AFF2: variants seen among roughly 807,000 people sequenced by gnomAD.
AFF2 encodes the protein AF4/FMR2 family member 2.
A neutral mutation model predicts 76.9 loss-of-function variants in AFF2; 14 were observed. The observed-to-expected ratio is 0.18, with a 90% CI of 0.12 to 0.28. AFF2 has a LOEUF of 0.28. Among genes scored for constraint, AFF2 ranks in the 10% least tolerant of loss-of-function variants. The pLI is 1.00. For missense variants in AFF2, 868 were observed against 1,001.1 expected (o/e 0.87, Z 1.79); for synonymous variants, 398 against 366.7 (o/e 1.09, Z -0.98).
intron 3 of AFF2, among the ~76,000 whole-genome samples, chrX:148,688,662 G>A (rs184684957): frequency 8.1e-5 from 9 of 111,252 alleles, no homozygotes; most frequent in Non-Finnish European, 1.5e-4. Flanking sequence ...ACAGGGATGC[G>A]TTCTGAGAAG....
At chrX:148,716,073 A>C (rs1306111931) in intron 3 of AFF2, among the ~76,000 whole-genome samples, 2 of 111,850 alleles carry the variant, frequency 1.8e-5, no homozygotes, top group Non-Finnish European at 3.8e-5. Context: ...TGCATTTTAC[A>C]TAAATGGTTA....
chrX:148,556,112 T>C (rs1557239654), intron 1 of AFF2, among the ~76,000 whole-genome samples: 1 of 111,965 alleles, frequency 8.9e-6, no homozygotes, highest in East Asian at 2.8e-4. Context: ...AGATTTTAGC[T>C]CAGTTTCACA....
Position 148,999,006 on chromosome X carries a change from T to G in AFF2, c.*7674T>G, listed in dbSNP as rs1200442152. 9.0e-6 allele frequency: 1 copy of G among 111,523 alleles called. No individual in the cohort carries two copies. The highest frequency in any genetic ancestry group is 1.9e-5 in the Non-Finnish European group (1 of 53,098). The allele number at this position is 111,523 out of a possible 1,213,427, so 9.2% of individuals were successfully genotyped here. On this transcript the variant is annotated 3_prime_UTR_variant, in exon 21 of 21. Transcript: ENST00000370460. ...AATCTGGGCAAATATCGATGGGTTT[T>G]CAAAGAATGCTCCATGTTCATTGGG...
At chrX:148,970,726 A>G (rs1326549276) in intron 15 of AFF2, among the ~76,000 whole-genome samples, 1 of 111,856 alleles carries the variant, frequency 8.9e-6, no homozygotes, top group Non-Finnish European at 1.9e-5. Context: ...TCAAACTATC[A>G]TTTATAATGA....
At chrX:148,501,536 C>T (rs2052351306) in intron 1 of AFF2, among the ~76,000 whole-genome samples, 1 of 113,363 alleles carries the variant, frequency 8.8e-6, no homozygotes, top group Non-Finnish European at 1.9e-5. Flanking sequence ...TTCCAGGTGC[C>T]CAACGCCCGC....
intron 9 of AFF2, among the ~76,000 whole-genome samples, chrX:148,922,848 A>G (rs1557283357): frequency 9.0e-6 from 1 of 111,722 alleles, no homozygotes; most frequent in Admixed American, 9.5e-5. Context: ...GAAGTCAATC[A>G]CCTATGAAGA....
At chrX:148,736,218 G>A (rs1557265073) in intron 3 of AFF2, among the ~76,000 whole-genome samples, 1 of 111,960 alleles carries the variant, frequency 8.9e-6, no homozygotes, top group East Asian at 2.8e-4. Context: ...GGCTGTACTA[G>A]TTTATATTCC....
rs189763946 is a variant in AFF2 at position 148,581,819 on chromosome X, A to T, written c.48-70180A>T. Among the ~76,000 whole-genome samples the T allele has an allele frequency of 3.8e-3, 424 of 112,227 alleles. 3 individuals carry two copies. Among genetic ancestry groups the T allele is most frequent in the African/African-American group, 0.013 (408 of 31,012 alleles). The stretch of plus-strand genomic sequence containing the variant: ...TACATAAGCACAGCATATTGATCAA[A>T]ATCAGGAAGCTAACATTGGTACTAA... On this transcript the variant is annotated intron_variant, in intron 1 of 20. Coordinates refer to ENST00000370460, the MANE Select transcript of AFF2 (RefSeq NM_002025.4).
chrX:148,888,340 T>C (rs2124156111), intron 8 of AFF2, among the ~76,000 whole-genome samples: 1 of 112,478 alleles, frequency 8.9e-6, no homozygotes, highest in South Asian at 3.7e-4. Flanking sequence ...ATGTCATGTA[T>C]CAGTACTTCA....
intron 9 of AFF2, among the ~76,000 whole-genome samples, chrX:148,923,840 C>G (rs781984784): frequency 8.9e-6 from 1 of 111,781 alleles, no homozygotes; most frequent in Admixed American, 9.5e-5. Flanking sequence ...CCAAAAGCTT[C>G]TCTGATTGCA....
chrX:148,839,884 G>A (rs1308819266), intron 5 of AFF2, among the ~76,000 whole-genome samples: 1 of 97,511 alleles, frequency 1.0e-5, no homozygotes, highest in Non-Finnish European at 2.0e-5. Context: ...CCCCATCTGT[G>A]TTGGGGCATG....
intron 8 of AFF2, among the ~76,000 whole-genome samples, chrX:148,893,265 T>C (rs782127465): frequency 8.9e-6 from 1 of 112,112 alleles, no homozygotes; most frequent in Non-Finnish European, 1.9e-5. Context: ...TTGGCTATAT[T>C]AGCACAGAGA....
At chrX:148,903,247 G>A (rs2071373206) in intron 8 of AFF2, among the ~76,000 whole-genome samples, 1 of 111,213 alleles carries the variant, frequency 9.0e-6, no homozygotes, top group Non-Finnish European at 1.9e-5. Flanking sequence ...TACAAGTTTG[G>A]TTCTGATTAC....
At chrX:148,858,822 G>C (rs7062711) in intron 7 of AFF2, among the ~76,000 whole-genome samples, 1,809 of 109,790 alleles carry the variant, frequency 0.016, 34 homozygotes, top group African/African-American at 0.058. Flanking sequence ...AAGTGTTATA[G>C]TGTTATTTCT....
chrX:148,917,554 G>T (rs1193625459), intron 9 of AFF2, among the ~76,000 whole-genome samples: 1 of 112,083 alleles, frequency 8.9e-6, no homozygotes, highest in Admixed American at 9.4e-5. Context: ...AGTCTGAGAT[G>T]CATCTGATAC....
At chrX:148,650,255 T>C (rs1230377263) in intron 1 of AFF2, among the ~76,000 whole-genome samples, 1 of 111,349 alleles carries the variant, frequency 9.0e-6, no homozygotes, top group Non-Finnish European at 1.9e-5. Context: ...CATGGAGACA[T>C]TGAGACACAC....
intron 1 of AFF2, among the ~76,000 whole-genome samples, chrX:148,501,884 T>A (rs1274196242): frequency 8.9e-6 from 1 of 112,082 alleles, no homozygotes; most frequent in African/African-American, 3.2e-5. Context: ...CAGCCGTAGT[T>A]TTTTGTAAGG....
intron 3 of AFF2, among the ~76,000 whole-genome samples, chrX:148,759,519 A>G (rs2069415785): frequency 8.9e-6 from 1 of 112,277 alleles, no homozygotes; most frequent in African/African-American, 3.2e-5. Flanking sequence ...GCAGTGTGAC[A>G]ATGAAGGCCC....
intron 1 of AFF2, among the ~76,000 whole-genome samples, chrX:148,635,225 A>G (rs1228710366): frequency 2.7e-5 from 3 of 111,425 alleles, no homozygotes; most frequent in African/African-American, 9.8e-5. Flanking sequence ...GGAAGGCAGA[A>G]GGGTCAGAGT....
Sources: allele counts gnomAD v4.1 joint callset (sites outside exome capture counted in the v4.1 genomes callset), GRCh38; gene constraint gnomAD v4.1.1; transcripts MANE v1.5; gene names NCBI Gene and HGNC (gene_info 2026-07-23, HGNC 2026-07-21).